The following SCAPER variants were observed in gnomAD, a reference collection of about 807,000 sequenced individuals.
The protein encoded by SCAPER is S-phase cyclin A associated protein in the ER, also known as S phase cyclin A-associated protein in the endoplasmic reticulum.
Under a neutral mutation model 182.2 loss-of-function variants are expected in SCAPER, and 98 were observed. That is an observed-to-expected ratio of 0.54 (90% CI 0.46 to 0.64). SCAPER has a LOEUF of 0.64. Among genes scored for constraint, SCAPER ranks in the 30% least tolerant of loss-of-function variants. SCAPER has a pLI of 0.00. For missense variants in SCAPER, 1,432 were observed against 1,690.0 expected (o/e 0.85, Z 2.68); for synonymous variants, 605 against 564.6 (o/e 1.07, Z -1.01).
chr15:76,764,936 A>G (rs767656177), intron 14 of SCAPER, 25 bp downstream of exon 14: 15 of 1,424,382 alleles, frequency 1.1e-5, no homozygotes, highest in Non-Finnish European at 1.4e-5. Context: ...AGACTATCAT[A>G]ATTTCCTAAA....
intron 29 of SCAPER, among the ~76,000 whole-genome samples, chr15:76,363,539 C>T (rs935499446): frequency 1.3e-5 from 2 of 152,160 alleles, no homozygotes; most frequent in East Asian, 1.9e-4. Context: ...AAGGCCAAAT[C>T]GGTTCCATTG....
chr15:76,733,614 C>T (rs2061060453), intron 15 of SCAPER, among the ~76,000 whole-genome samples: 3 of 151,516 alleles, frequency 2.0e-5, no homozygotes, highest in African/African-American at 7.3e-5. Context: ...AATAGCCAGG[C>T]GTGGTGGCAG....
chr15:76,765,603 A>G lies in SCAPER; in HGVS notation c.1455T>C (p.Gly485=), dbSNP rs1201642030. ...SMGSGSVSFC[G]MSMDWNDVLA... is the part of the protein sequence containing the mutation. ...GGACATCGTTCCAGTCCATGGACAT[A>G]CCACAGAAAGAAACACTCCCACTGC... Residue 485 remains glycine (G), a synonymous_variant, in exon 12 of 32, where the codon GGT becomes GGC. Transcript: ENST00000563290. The G allele has an allele frequency of 1.3e-6, 2 of 1,588,194 alleles. No homozygotes were observed. The highest frequency in any genetic ancestry group is 4.5e-5 in the East Asian group (2 of 43,960).
intron 20 of SCAPER, among the ~76,000 whole-genome samples, chr15:76,673,750 GATA>G (rs1172502316): frequency 6.6e-6 from 1 of 152,052 alleles, no homozygotes. Flanking sequence ...CAAAATGGCT[GATA>G]ATAAGTCTAA....
intron 2 of SCAPER, among the ~76,000 whole-genome samples, chr15:76,874,570 A>C (rs2073014154): frequency 6.6e-6 from 1 of 152,216 alleles, no homozygotes; most frequent in Non-Finnish European, 1.5e-5. Context: ...AAACAAGAGC[A>C]GGCAAAAATA....
Position 76,443,967 on chromosome 15 carries a change from C to A in SCAPER, c.3079-9657G>T, listed in dbSNP as rs117220395. ...GATCATGGCAACATTTTGGGATGCTCAAGGCATTTTGCTTTTTGACTTTCT... is the reference window on the plus strand; with the variant it reads ...GATCATGGCAACATTTTGGGATGCTAAAGGCATTTTGCTTTTTGACTTTCT... On this transcript the variant is annotated intron_variant, in intron 25 of 31. Transcript: ENST00000563290. Among the ~76,000 whole-genome samples the A allele has an allele frequency of 4.1e-4, 62 of 152,274 alleles. 1 individual carries two copies. In the East Asian group the frequency reaches 0.011, roughly 28 times the overall value.
intron 8 of SCAPER, among the ~76,000 whole-genome samples, chr15:76,794,115 AC>A (rs2065171550): frequency 6.6e-6 from 1 of 152,332 alleles, no homozygotes; most frequent in East Asian, 1.9e-4. Context: ...TGTGTATAAC[AC>A]TGCACTGAAA....
At chr15:76,537,247 C>T (rs973619837) in intron 23 of SCAPER, among the ~76,000 whole-genome samples, 1 of 150,324 alleles carries the variant, frequency 6.7e-6, no homozygotes, top group African/African-American at 2.4e-5. Flanking sequence ...CAAAAAAGAG[C>T]CCGCATCGCC....
chr15:76,371,693 T>A (rs62028378), intron 29 of SCAPER, among the ~76,000 whole-genome samples: 1 of 151,156 alleles, frequency 6.6e-6, no homozygotes, highest in African/African-American at 2.4e-5. Context: ...CCGAGGTGGG[T>A]GGATCACCTG....
chr15:76,731,496 T>A (rs2060919662), intron 16 of SCAPER, among the ~76,000 whole-genome samples: 1 of 152,338 alleles, frequency 6.6e-6, no homozygotes, highest in Admixed American at 6.5e-5. Context: ...TAATAGTCCA[T>A]GAGAATGCTT....
intron 4 of SCAPER, among the ~76,000 whole-genome samples, chr15:76,852,358 C>G (rs2070849143): frequency 6.6e-6 from 1 of 152,196 alleles, no homozygotes; most frequent in African/African-American, 2.4e-5. Context: ...CTCTACAGAA[C>G]TCTCCAACCA....
chr15:76,747,750 C>T (rs1011093686), intron 15 of SCAPER, among the ~76,000 whole-genome samples: 3 of 152,150 alleles, frequency 2.0e-5, no homozygotes, highest in Admixed American at 2.0e-4. Flanking sequence ...TCTGCACATG[C>T]TGGCTCTCCT....
intron 2 of SCAPER, among the ~76,000 whole-genome samples, chr15:76,877,167 C>T (rs1042446542): frequency 3.5e-4 from 52 of 150,344 alleles, no homozygotes; most frequent in Middle Eastern, 3.4e-3. Flanking sequence ...GCTGTAATTA[C>T]GCCACTGCAC....
At chr15:76,522,733 T>C (rs2042926077) in intron 23 of SCAPER, among the ~76,000 whole-genome samples, 1 of 152,100 alleles carries the variant, frequency 6.6e-6, no homozygotes, top group Non-Finnish European at 1.5e-5. Context: ...CTAAAATTGA[T>C]TGTGGTCATG....
intron 23 of SCAPER, among the ~76,000 whole-genome samples, 169 bp downstream of exon 23, chr15:76,573,989 A>G (rs1001640626): frequency 6.6e-6 from 1 of 152,122 alleles, no homozygotes; most frequent in African/African-American, 2.4e-5. Flanking sequence ...AGCTTCAATT[A>G]AACAACTGAA....
At chr15:76,857,999 A>G in intron 3 of SCAPER, 120 bp from the exon 4 acceptor site, 1 of 676,872 alleles carries the variant, frequency 1.5e-6, no homozygotes, top group South Asian at 2.1e-5. Context: ...GCATACTAAC[A>G]TTTAATCTCC....
At chr15:76,605,952 T>C (rs528670904) in intron 22 of SCAPER, among the ~76,000 whole-genome samples, 1 of 152,358 alleles carries the variant, frequency 6.6e-6, no homozygotes, top group Non-Finnish European at 1.5e-5. Context: ...TCAATTTTGC[T>C]GATCTTTTCG....
At chr15:76,514,214 GATTGAGAAAAACATACCTTTA>G (rs936139552) in intron 23 of SCAPER, among the ~76,000 whole-genome samples, 2 of 152,158 alleles carry the variant, frequency 1.3e-5, no homozygotes, top group African/African-American at 4.8e-5. Context: ...ATTCTGATTT[GATTGAGAAAAACATACCTTTA>G]AAGATAAGAT....
In SCAPER at chr15:76,853,842, A is replaced by C. The variant is rs1395780537; in HGVS notation, c.195+3967T>G. 2.6e-5 allele frequency among the ~76,000 whole-genome samples: 4 copies of C among 152,340 alleles called. No individual in the cohort carries two copies. In the South Asian group the frequency reaches 8.3e-4, roughly 32 times the overall value. On this transcript the variant is annotated intron_variant, in intron 4 of 31. Coordinates refer to ENST00000563290, the MANE Select transcript of SCAPER (RefSeq NM_020843.4). ...AGCCATCAGGCAAGAGAAAAAAATA[A>C]AGGGCATCCAAATAGGAAGGGAGGA... is the stretch of plus-strand genomic sequence containing the variant.
Sources: allele counts gnomAD v4.1 joint callset (sites outside exome capture counted in the v4.1 genomes callset), GRCh38; gene constraint gnomAD v4.1.1; transcripts MANE v1.5; gene names NCBI Gene and HGNC (gene_info 2026-07-23, HGNC 2026-07-21).